Variants in AP3M2 observed in about 807,000 individuals in gnomAD.
AP3M2 encodes the protein adaptor related protein complex 3 subunit mu 2, also known as AP-3 complex subunit mu-2.
Under a neutral mutation model 41.6 loss-of-function variants are expected in AP3M2, and 28 were observed. The observed-to-expected ratio is 0.67, with a 90% confidence interval of 0.50 to 0.92. The LOEUF (loss-of-function observed/expected upper bound fraction) is 0.92. AP3M2 is among the 40% of genes least tolerant of loss of function. AP3M2 has a pLI of 0.00. For synonymous variants in AP3M2, 193 were observed against 186.4 expected (o/e 1.04, Z -0.29); for missense variants, 427 against 521.4 (o/e 0.82, Z 1.76).
At chr8:42,165,279 A>G in intron 5 of AP3M2, 123 bp downstream of exon 5, 1 of 1,438,706 alleles carries the variant, frequency 7.0e-7, no homozygotes, top group Non-Finnish European at 9.5e-7. Flanking sequence ...AGCTTGTCTC[A>G]GGCTTGAATT....
rs1804406524 is a variant in AP3M2 at position 42,158,099 on chromosome 8, C to T, written c.432C>T (p.Val144=). The T allele has an allele frequency of 6.2e-7, 1 of 1,613,504 alleles. No individual in the cohort carries two copies. Among genetic ancestry groups the T allele is most frequent in the Non-Finnish European group, 8.5e-7 (1 of 1,179,548 alleles). Residue 144 remains valine (V), a synonymous_variant, in exon 3 of 9, where the codon GTC becomes GTT. Coordinates refer to ENST00000396926, the MANE Select transcript of AP3M2 (RefSeq NM_006803.4). ...CTCCTACCATCCTTCGAACGGTTGT[C>T]AACACCATCACAGGTACGGCAGAGG... ...IKPPTILRTV[V]NTITGSTNVG...
At chr8:42,167,908 C>T in intron 8 of AP3M2, 98 bp downstream of exon 8, 1 of 1,435,080 alleles carries the variant, frequency 7.0e-7, no homozygotes, top group Non-Finnish European at 9.4e-7. Context: ...TTCCTGTTTA[C>T]AAGGTTTAGT....
chr8:42,167,771 A>G lies in AP3M2; in HGVS notation c.1117A>G (p.Ile373Val), dbSNP rs770234208. Residue 373 changes from isoleucine to valine, a missense_variant, in exon 8 of 9, where the codon ATT becomes GTT. By Grantham distance (29) the Ile-to-Val change is conservative. This residue lies in a region of AP3M2 where 237 missense variants were observed against 284.9 expected (regional missense o/e 0.83). Coordinates refer to ENST00000396926, the MANE Select transcript of AP3M2 (RefSeq NM_006803.4). ...TTCCAAACCAGATGAAAACCCCACA[A>G]TTAACCTGCAGTTTAAGATCCAGCA... The part of the protein sequence containing the change: ...GASKPDENPT[I>V]NLQFKIQQLA... The G allele has an allele frequency of 1.2e-6, 2 of 1,614,116 alleles. No homozygotes were observed. Among genetic ancestry groups the G allele is most frequent in the Non-Finnish European group, 1.7e-6 (2 of 1,180,008 alleles).
rs982067566 is a variant in AP3M2 at position 42,154,926 on chromosome 8, T to C, written c.239T>C (p.Ile80Thr). The C allele has an allele frequency of 8.7e-6, 14 of 1,614,182 alleles. No homozygotes were observed. The highest frequency in any genetic ancestry group is 1.1e-5 in the South Asian group (1 of 91,078). Residue 80 changes from isoleucine (I) to threonine (T), a missense_variant, in exon 2 of 9, where the codon ATT becomes ACT. Ile to Thr is a moderately conservative substitution (Grantham distance 89). Coordinates refer to ENST00000396926, the MANE Select transcript of AP3M2 (RefSeq NM_006803.4). ...ACGGAGGTCCCCCCTCTGTTTGTCA[T>C]TGAGTTTCTTCACCGAGTGGTGGAC... is the stretch of plus-strand genomic sequence containing the variant. ...IQTEVPPLFV[I>T]EFLHRVVDTF...
intron 2 of AP3M2, among the ~76,000 whole-genome samples, chr8:42,156,688 G>C (rs1804362108): frequency 6.6e-6 from 1 of 152,046 alleles, no homozygotes; most frequent in African/African-American, 2.4e-5. Context: ...CTGACTCTTA[G>C]GTGACCCGGG....
intron 3 of AP3M2, among the ~76,000 whole-genome samples, chr8:42,161,436 C>T (rs1804502644): frequency 1.3e-5 from 2 of 152,074 alleles, no homozygotes; most frequent in African/African-American, 4.8e-5. Context: ...TAGTGAAACC[C>T]CGTCTCTACT....
intron 7 of AP3M2, 93 bp downstream of exon 7, chr8:42,167,464 G>T: frequency 6.7e-7 from 1 of 1,484,888 alleles, no homozygotes; most frequent in South Asian, 1.2e-5. Flanking sequence ...TTTGGAAGGT[G>T]AGATGAGTCA....
At chr8:42,153,989 A>AT (rs879516428) in intron 1 of AP3M2, 2 of 152,228 alleles carry the variant, frequency 1.3e-5, no homozygotes, top group Non-Finnish European at 2.9e-5. Context: ...AACAGGTTAA[A>AT]TTAATTTTAA....
chr8:42,153,527 GGCGGCGC>G (rs1256478090), intron 1 of AP3M2: 1 of 152,570 alleles, frequency 6.6e-6, no homozygotes, highest in African/African-American at 2.4e-5. Flanking sequence ...GTCTCCTCCA[GGCGGCGC>G]TGGGCACCGC....
In AP3M2 at chr8:42,167,756, G is replaced by A; in HGVS notation, c.1102G>A (p.Asp368Asn). 1 of 1,614,052 alleles carries A rather than the reference G, an allele frequency of 6.2e-7. No homozygotes were observed. Among genetic ancestry groups the A allele is most frequent in the Non-Finnish European group, 8.5e-7 (1 of 1,179,988 alleles). ...MSLQAGASKP[D>N]ENPTINLQFK... ...TCTTCAGGCTGGAGCTTCCAAACCAGATGAAAACCCCACAATTAACCTGCA... is the reference window on the plus strand; with the variant it reads ...TCTTCAGGCTGGAGCTTCCAAACCAAATGAAAACCCCACAATTAACCTGCA... The change falls in exon 8 of 9, where the codon GAT becomes AAT. Residue 368 changes from aspartate to asparagine, a missense_variant. Asp to Asn is a conservative substitution (Grantham distance 23). Around this residue, in one of 3 missense-constraint regions of AP3M2, gnomAD observed 237 missense variants for 284.9 expected, o/e 0.83. Coordinates refer to ENST00000396926, the MANE Select transcript of AP3M2 (RefSeq NM_006803.4).
chr8:42,162,266 T>C lies in AP3M2; in HGVS notation c.446-15T>C, dbSNP rs1023595675. On this transcript the variant is annotated splice_polypyrimidine_tract_variant and intron_variant, in intron 3 of 8. Coordinates refer to ENST00000396926, the MANE Select transcript of AP3M2 (RefSeq NM_006803.4). The stretch of plus-strand genomic sequence containing the variant: ...TCAAAATGGTGTTAAAATACAGTAA[T>C]ATTAATTGCCTCAGGAAGCACGAAT... 6.9e-6 allele frequency: 11 copies of C among 1,603,560 alleles called. No homozygotes were observed. In the Admixed American group the frequency reaches 1.7e-4, roughly 25 times the overall value.
intron 7 of AP3M2, 109 bp from the exon 8 acceptor site, chr8:42,167,554 TATA>T: frequency 7.1e-7 from 1 of 1,415,488 alleles, no homozygotes; most frequent in Non-Finnish European, 9.6e-7. Context: ...AGAGGCAGCT[TATA>T]ATGTTGTGGA....
At chr8:42,156,394 C>T (rs1332186880) in intron 2 of AP3M2, among the ~76,000 whole-genome samples, 2 of 152,172 alleles carry the variant, frequency 1.3e-5, no homozygotes, top group Non-Finnish European at 2.9e-5. Context: ...TGTGCATCCT[C>T]TCCGGCAGCA....
chr8:42,165,325 G>C, intron 5 of AP3M2, 102 bp from the exon 6 acceptor site: 1 of 1,472,812 alleles, frequency 6.8e-7, no homozygotes, highest in Non-Finnish European at 9.3e-7. Flanking sequence ...GTGTGTGTGT[G>C]TGTGGTGTGT....
rs1280631839 is a variant in AP3M2 at position 42,169,410 on chromosome 8, T to C, written c.*349T>C. On this transcript the variant is annotated 3_prime_UTR_variant, in exon 9 of 9. Transcript: ENST00000396926. ...ATCTAAAGCCAATGAAAGACTTCTTTGTTGATTTTTTAAGATAGAAAGATT... is the reference window on the plus strand; with the variant it reads ...ATCTAAAGCCAATGAAAGACTTCTTCGTTGATTTTTTAAGATAGAAAGATT... 5.9e-6 allele frequency: 1 copy of C among 169,276 alleles called. No homozygotes were observed. The highest frequency in any genetic ancestry group is 1.6e-4 in the East Asian group (1 of 6,320). 10.5% of individuals were successfully genotyped at this position (169,276 alleles called of 1,614,324 possible).
At chr8:42,157,879 T>C in intron 2 of AP3M2, 62 bp from the exon 3 acceptor site, 2 of 1,446,518 alleles carry the variant, frequency 1.4e-6, no homozygotes, top group Non-Finnish European at 9.5e-7. Flanking sequence ...GGCACATTCT[T>C]TTATTTATTT....
Position 42,165,084 on chromosome 8 carries a change from T to C in AP3M2, c.597T>C (p.Thr199=). 6.2e-7 allele frequency: 1 copy of C among 1,613,930 alleles called. No homozygotes were observed. Among genetic ancestry groups the C allele is most frequent in the Non-Finnish European group, 8.5e-7 (1 of 1,179,918 alleles). The part of the protein sequence containing the change: ...AIIDKSGSTI[T]AEIQGVIDAC... ...TTCCTGTCTCAGGCTCCACAATTAC[T>C]GCTGAGATCCAGGGGGTGATTGATG... The change falls in exon 5 of 9, where the codon ACT becomes ACC. Residue 199 remains threonine (T), a synonymous_variant. Coordinates refer to ENST00000396926, the MANE Select transcript of AP3M2 (RefSeq NM_006803.4).
intron 4 of AP3M2, among the ~76,000 whole-genome samples, chr8:42,163,331 C>T (rs1321255346): frequency 1.3e-5 from 2 of 152,192 alleles, no homozygotes; most frequent in African/African-American, 4.8e-5. Flanking sequence ...AAGTCCTTTT[C>T]ACATTAGTGA....
rs1246067175 is a variant in AP3M2, at chr8:42,167,298, A to G, written c.938A>G (p.Gln313Arg). 1 of 1,614,216 alleles carries G rather than the reference A, an allele frequency of 6.2e-7. No homozygotes were observed. Among genetic ancestry groups the G allele is most frequent in the Non-Finnish European group, 8.5e-7 (1 of 1,180,044 alleles). The change falls in exon 7 of 9, where the codon CAG becomes CGG. Residue 313 changes from glutamine (Q) to arginine (R), a missense_variant. This residue lies in a region of AP3M2 where 237 missense variants were observed against 284.9 expected (regional missense o/e 0.83). Transcript: ENST00000396926. Reference protein sequence around the residue: ...KTIEGVTVTSQMPKGVLNMSL... With the variant: ...KTIEGVTVTSRMPKGVLNMSL... ...ATTGAGGGAGTGACTGTCACCAGCC[A>G]GATGCCCAAGGGGGTCCTGAACATG...
Sources: allele counts gnomAD v4.1 joint callset (sites outside exome capture counted in the v4.1 genomes callset), GRCh38; gene constraint gnomAD v4.1.1; regional missense constraint gnomAD v4.1.1; transcripts MANE v1.5; gene names NCBI Gene and HGNC (gene_info 2026-07-23, HGNC 2026-07-21).